NRXN3: variants seen among roughly 807,000 people sequenced by gnomAD.
NRXN3 encodes the protein neurexin III.
In NRXN3, 32 loss-of-function variants were observed where a neutral mutation model predicts 137.6. The ratio of observed to expected loss-of-function variants is 0.23; its 90% CI spans 0.18 to 0.31. The LOEUF (loss-of-function observed/expected upper bound fraction) is 0.31, where lower values mean the gene tolerates loss of function less well. Among genes scored for constraint, NRXN3 ranks in the 10% least tolerant of loss-of-function variants. NRXN3 has a pLI of 1.00. For synonymous variants in NRXN3, 798 were observed against 784.5 expected, an observed-to-expected ratio of 1.02 and a Z score of -0.29; for missense variants, 1,574 against 2,062.5, an observed-to-expected ratio of 0.76 and a Z score of 4.59.
chr14:78,652,805 T>A (rs748322056), intron 6 of NRXN3, among the ~76,000 whole-genome samples: 1 of 152,240 alleles, frequency 6.6e-6, no homozygotes, highest in East Asian at 1.9e-4. Context: ...ACCTTTTTTG[T>A]GCTGTAACTA....
chr14:79,047,479 C>A (rs1319328725), intron 15 of NRXN3, among the ~76,000 whole-genome samples: 1 of 151,884 alleles, frequency 6.6e-6, no homozygotes, highest in Non-Finnish European at 1.5e-5. Flanking sequence ...AAAATATATA[C>A]CTAAGAAAAT....
intron 3 of NRXN3, among the ~76,000 whole-genome samples, chr14:78,291,939 A>C (rs1269223651): frequency 6.6e-6 from 1 of 152,050 alleles, no homozygotes; most frequent in African/African-American, 2.4e-5. Flanking sequence ...CTTGTGAGTG[A>C]CTTCCTTCCT....
intron 16 of NRXN3, among the ~76,000 whole-genome samples, chr14:79,586,728 T>G (rs1303660158): frequency 6.6e-6 from 1 of 152,224 alleles, no homozygotes; most frequent in African/African-American, 2.4e-5. Flanking sequence ...AGAGCCACTT[T>G]GACACAGCCA....
chr14:78,897,204 C>T (rs879674571), intron 10 of NRXN3, among the ~76,000 whole-genome samples: 1 of 151,656 alleles, frequency 6.6e-6, no homozygotes, highest in South Asian at 2.1e-4. Context: ...TTGTTTGTGC[C>T]GTGATGGGCC....
intron 15 of NRXN3, among the ~76,000 whole-genome samples, chr14:79,040,556 T>C (rs1356630235): frequency 6.6e-6 from 1 of 152,078 alleles, no homozygotes; most frequent in African/African-American, 2.4e-5. Context: ...AAAAGTCTCT[T>C]GTTGTGAGGC....
At chr14:79,663,171 T>C (rs894970696) in intron 16 of NRXN3, among the ~76,000 whole-genome samples, 3 of 152,038 alleles carry the variant, frequency 2.0e-5, no homozygotes, top group African/African-American at 4.8e-5. Flanking sequence ...GTGAGTTTCA[T>C]TGGCCTCTAC....
intron 4 of NRXN3, among the ~76,000 whole-genome samples, chr14:78,638,470 G>A (rs1185525191): frequency 1.3e-5 from 2 of 152,172 alleles, no homozygotes; most frequent in African/African-American, 4.8e-5. Flanking sequence ...GACAGGGAGA[G>A]CCAAGAGTGC....
At chr14:79,706,457 G>A (rs2154042286) in intron 19 of NRXN3, among the ~76,000 whole-genome samples, 1 of 147,568 alleles carries the variant, frequency 6.8e-6, no homozygotes, top group South Asian at 2.2e-4. Context: ...TGAGAAAAGG[G>A]CTTGTAGGGT....
At chr14:78,212,984 C>T (rs2062890242) in intron 1 of NRXN3, among the ~76,000 whole-genome samples, 1 of 152,174 alleles carries the variant, frequency 6.6e-6, no homozygotes, top group South Asian at 2.1e-4. Context: ...TTGTTAGACC[C>T]ACTTAGAGCA....
At chr14:79,468,713 G>A (rs1297613666) in intron 16 of NRXN3, among the ~76,000 whole-genome samples, 3 of 152,184 alleles carry the variant, frequency 2.0e-5, no homozygotes, top group African/African-American at 7.2e-5. Flanking sequence ...AGCATGCCTT[G>A]GAAATGAGAG....
chr14:78,879,742 C>G (rs550887981), intron 10 of NRXN3, among the ~76,000 whole-genome samples: 4 of 152,294 alleles, frequency 2.6e-5, no homozygotes, highest in Admixed American at 2.6e-4. Context: ...CATTTACAAA[C>G]TCTATACTTC....
intron 15 of NRXN3, among the ~76,000 whole-genome samples, chr14:79,047,641 T>TA (rs1336203193): frequency 1.3e-5 from 2 of 152,132 alleles, no homozygotes; most frequent in Non-Finnish European, 2.9e-5. Context: ...AGGCACTTTA[T>TA]AAAAAAGATA....
At chr14:78,617,627 C>T (rs543336038) in intron 4 of NRXN3, among the ~76,000 whole-genome samples, 1 of 151,986 alleles carries the variant, frequency 6.6e-6, no homozygotes, top group Non-Finnish European at 1.5e-5. Flanking sequence ...AATGCACAAA[C>T]AAGGAAGAAG....
At chr14:78,626,712 A>C (rs1276015520) in intron 4 of NRXN3, among the ~76,000 whole-genome samples, 2 of 152,192 alleles carry the variant, frequency 1.3e-5, no homozygotes, top group Non-Finnish European at 2.9e-5. Flanking sequence ...TCAGAGGGCT[A>C]TCCCTGCCTG....
At chr14:79,681,247 T>G (rs950451950) in intron 17 of NRXN3, among the ~76,000 whole-genome samples, 1 of 152,188 alleles carries the variant, frequency 6.6e-6, no homozygotes, top group Non-Finnish European at 1.5e-5. Context: ...CTCCTCCTGC[T>G]GAGCCTTCAT....
At chr14:78,935,680 A>G (rs2099335625) in intron 10 of NRXN3, among the ~76,000 whole-genome samples, 1 of 152,216 alleles carries the variant, frequency 6.6e-6, no homozygotes, top group Non-Finnish European at 1.5e-5. Context: ...TGGACCCCTC[A>G]GATATGAAGG....
At position 79,569,730 on chromosome 14, in the gene NRXN3, T is replaced by C. The variant is rs1339960973; in HGVS notation, c.3445-94048T>C. The stretch of plus-strand genomic sequence containing the variant: ...TTCAAGTGATTCTCATGCCTCAGCC[T>C]CCTGAGTAGCTGGGATTACAGGTGC... On this transcript the variant is annotated intron_variant, in intron 16 of 20. Coordinates refer to ENST00000335750, the MANE Select transcript of NRXN3 (RefSeq NM_001330195.2). Among the ~76,000 whole-genome samples, 5 of 152,012 alleles carry C rather than the reference T, an allele frequency of 3.3e-5. No individual in the cohort carries two copies. In the East Asian group the frequency reaches 5.9e-4, roughly 18 times the overall value.
chr14:79,250,953 C>A (rs1178522781), intron 15 of NRXN3, among the ~76,000 whole-genome samples: 1 of 151,932 alleles, frequency 6.6e-6, no homozygotes, highest in Non-Finnish European at 1.5e-5. Context: ...GTAACTCAAT[C>A]AAAAATAAAA....
At chr14:79,529,523 T>A (rs898787660) in intron 16 of NRXN3, among the ~76,000 whole-genome samples, 6 of 152,172 alleles carry the variant, frequency 3.9e-5, no homozygotes, top group Non-Finnish European at 8.8e-5. Context: ...CCTCACCACA[T>A]ATGTGAGAAA....
Sources: allele counts gnomAD v4.1 joint callset (sites outside exome capture counted in the v4.1 genomes callset), GRCh38; gene constraint gnomAD v4.1.1; transcripts MANE v1.5; gene names NCBI Gene and HGNC (gene_info 2026-07-23, HGNC 2026-07-21).